The following DGKB variants were observed in gnomAD, a reference collection of about 807,000 sequenced individuals.
DGKB encodes the protein 90 kDa diacylglycerol kinase.
DGKB carries 67 observed loss-of-function variants against 114.3 expected under a neutral mutation model. The observed-to-expected ratio is 0.59, with a 90% CI of 0.48 to 0.72. DGKB has a LOEUF of 0.72. Ranked by LOEUF, DGKB falls within the 30% of genes least tolerant of loss-of-function variation. The probability of loss-of-function intolerance (pLI) is 0.00; values close to 1 mark genes in which losing one functional copy is unlikely to be tolerated. For synonymous variants in DGKB, 398 were observed against 323.1 expected (o/e 1.23, Z -2.49); for missense variants, 907 against 975.2 (o/e 0.93, Z 0.93).
At chr7:14,825,980 G>C (rs1433818993) in intron 2 of DGKB, among the ~76,000 whole-genome samples, 1 of 152,128 alleles carries the variant, frequency 6.6e-6, no homozygotes, top group South Asian at 2.1e-4. Flanking sequence ...ACTCTCCAAA[G>C]TTCCCTTTGA....
chr7:14,688,352 C>A (rs1485691384), intron 9 of DGKB, among the ~76,000 whole-genome samples: 3 of 152,120 alleles, frequency 2.0e-5, no homozygotes, highest in Non-Finnish European at 4.4e-5. Context: ...CTTCCTATTT[C>A]TTCCTATTTT....
intron 25 of DGKB, among the ~76,000 whole-genome samples, chr7:14,170,318 G>C (rs940188535): frequency 1.3e-5 from 2 of 152,128 alleles, no homozygotes; most frequent in Non-Finnish European, 2.9e-5. Flanking sequence ...CAAGTTACTT[G>C]ACTTCTCTGG....
At chr7:14,383,322 A>G (rs1819784349) in intron 21 of DGKB, among the ~76,000 whole-genome samples, 1 of 152,210 alleles carries the variant, frequency 6.6e-6, no homozygotes, top group African/African-American at 2.4e-5. Context: ...AATGTTTCCT[A>G]GATAAACTTG....
intron 23 of DGKB, among the ~76,000 whole-genome samples, chr7:14,221,663 T>G (rs1789996114): frequency 6.6e-6 from 1 of 151,530 alleles, no homozygotes; most frequent in Non-Finnish European, 1.5e-5. Context: ...GATTTCAGTG[T>G]CATGATAATA....
chr7:14,336,720 A>G lies in DGKB; in HGVS notation c.2122+1795T>C, dbSNP rs144061581. On this transcript the variant is annotated intron_variant, in intron 23 of 25. Coordinates refer to ENST00000402815, the MANE Select transcript of DGKB (RefSeq NM_001350709.2). Reference sequence around the variant, plus strand: ...GTTTCTTCCAAATGTGTGTTCCTGAAAAAAAATCATACGAAGGAGGGTGAG... The same window carrying G: ...GTTTCTTCCAAATGTGTGTTCCTGAGAAAAAATCATACGAAGGAGGGTGAG... Among the ~76,000 whole-genome samples, 13 of 152,260 alleles carry G rather than the reference A, an allele frequency of 8.5e-5. No individual in the cohort carries two copies. In the East Asian group the frequency reaches 2.1e-3, roughly 25 times the overall value.
chr7:14,488,685 C>T (rs546194193), intron 20 of DGKB, among the ~76,000 whole-genome samples: 15 of 150,032 alleles, frequency 1.0e-4, no homozygotes, highest in East Asian at 2.0e-4. Flanking sequence ...AAAATTAGCT[C>T]GGTGTGGTGG....
intron 23 of DGKB, among the ~76,000 whole-genome samples, chr7:14,331,615 T>C (rs760247051): frequency 7.2e-5 from 11 of 152,090 alleles, no homozygotes; most frequent in Non-Finnish European, 1.6e-4. Flanking sequence ...GGAAATATAA[T>C]GTAAAGCACA....
intron 1 of DGKB, among the ~76,000 whole-genome samples, chr7:14,847,122 C>G (rs1462746697): frequency 6.6e-6 from 1 of 151,940 alleles, no homozygotes; most frequent in Non-Finnish European, 1.5e-5. Flanking sequence ...AACCCCGTCT[C>G]TACTAAAAAT....
At chr7:14,954,116 A>G (rs1247996951) in intron 1 of DGKB, among the ~76,000 whole-genome samples, 2 of 152,082 alleles carry the variant, frequency 1.3e-5, no homozygotes, top group East Asian at 3.9e-4. Context: ...GGCTTACAGT[A>G]GGTGTAGAAA....
At chr7:14,526,647 T>A (rs955093549) in intron 20 of DGKB, among the ~76,000 whole-genome samples, 6 of 152,172 alleles carry the variant, frequency 3.9e-5, no homozygotes, top group Non-Finnish European at 7.3e-5. Context: ...AGTGCCATAG[T>A]GAACTGATAT....
At chr7:14,311,272 G>T (rs980910513) in intron 23 of DGKB, among the ~76,000 whole-genome samples, 1 of 152,008 alleles carries the variant, frequency 6.6e-6, no homozygotes, top group Non-Finnish European at 1.5e-5. Context: ...GTAATCACTG[G>T]GTCCACAGAC....
chr7:14,213,551 C>T (rs751144807), intron 23 of DGKB, among the ~76,000 whole-genome samples: 1 of 152,134 alleles, frequency 6.6e-6, no homozygotes, highest in Non-Finnish European at 1.5e-5. Flanking sequence ...GGAAGGTATG[C>T]TAACTCTTCA....
intron 23 of DGKB, among the ~76,000 whole-genome samples, chr7:14,246,000 A>T (rs73069608): frequency 0.044 from 6,747 of 152,246 alleles, 223 homozygotes; most frequent in East Asian, 0.16. Context: ...GATTGGACTG[A>T]AAATAGAATT....
chr7:14,510,318 C>G (rs533766939), intron 20 of DGKB, among the ~76,000 whole-genome samples: 2 of 152,294 alleles, frequency 1.3e-5, no homozygotes, highest in East Asian at 3.9e-4. Flanking sequence ...GCTTTACCAA[C>G]TAAGTTTTCG....
intron 17 of DGKB, among the ~76,000 whole-genome samples, chr7:14,586,961 C>A (rs528665807): frequency 1.2e-4 from 19 of 152,056 alleles, no homozygotes; most frequent in Non-Finnish European, 2.5e-4. Context: ...TGTTTTCATG[C>A]CTGCAAACAC....
intron 9 of DGKB, among the ~76,000 whole-genome samples, chr7:14,688,535 A>T (rs1822122155): frequency 6.6e-6 from 1 of 152,176 alleles, no homozygotes; most frequent in Non-Finnish European, 1.5e-5. Flanking sequence ...TTTTCAGTCA[A>T]AATAATTGAG....
chr7:14,420,586 G>T (rs1264329284), intron 21 of DGKB, among the ~76,000 whole-genome samples: 1 of 152,020 alleles, frequency 6.6e-6, no homozygotes, highest in Non-Finnish European at 1.5e-5. Flanking sequence ...ACTTAAAAGT[G>T]AAAGTGGCTG....
chr7:14,213,904 G>GA (rs1345692144), intron 23 of DGKB, among the ~76,000 whole-genome samples: 3 of 151,866 alleles, frequency 2.0e-5, no homozygotes, highest in African/African-American at 4.8e-5. Context: ...TAAAATAAAA[G>GA]AAAAAAGGTA....
chr7:14,946,593 C>A (rs1350072202), intron 1 of DGKB, among the ~76,000 whole-genome samples: 3 of 151,720 alleles, frequency 2.0e-5, no homozygotes, highest in African/African-American at 7.2e-5. Context: ...CACACATACA[C>A]ACAAATATCA....
Sources: gnomAD v4.1 joint callset for allele counts (sites outside exome capture counted in the v4.1 genomes callset) on GRCh38, gnomAD v4.1.1 for gene constraint, MANE v1.5 for transcripts, NCBI Gene and HGNC (gene_info 2026-07-23, HGNC 2026-07-21) for gene names.